Variants in RCC2 observed in about 807,000 individuals in gnomAD.
RCC2 encodes the protein regulator of chromosome condensation 2.
RCC2 carries 19 observed loss-of-function variants against 64.1 expected under a neutral mutation model. The observed-to-expected ratio is 0.30, with a 90% confidence interval of 0.21 to 0.44. The LOEUF (loss-of-function observed/expected upper bound fraction) is 0.44. RCC2 is among the 20% of genes least tolerant of loss of function. The pLI, the probability that RCC2 is intolerant of heterozygous loss-of-function variation, is 1.00. For missense variants in RCC2, 508 were observed against 710.4 expected, an observed-to-expected ratio of 0.72 and a Z score of 3.24; for synonymous variants, 325 against 279.6, an observed-to-expected ratio of 1.16 and a Z score of -1.62.
intron 7 of RCC2, 51 bp from the exon 8 acceptor site, chr1:17,416,697 G>GT (rs778125841): frequency 6.4e-7 from 1 of 1,561,816 alleles, no homozygotes; most frequent in Admixed American, 1.7e-5. Context: ...CACAAGGGAC[G>GT]TGTCAGTGTG....
chr1:17,418,758 A>G (rs959954831), intron 7 of RCC2, among the ~76,000 whole-genome samples: 7 of 152,208 alleles, frequency 4.6e-5, no homozygotes, highest in Non-Finnish European at 8.8e-5. Context: ...GCATTTCCGG[A>G]TATGTCGCTA....
intron 11 of RCC2, 46 bp downstream of exon 11, chr1:17,412,076 C>A (rs772752363): frequency 6.6e-7 from 1 of 1,519,834 alleles, no homozygotes; most frequent in East Asian, 2.4e-5. Context: ...CATGAGCCAC[C>A]CTGACTGGCT....
chr1:17,423,703 G>A (rs1002175858), intron 4 of RCC2, among the ~76,000 whole-genome samples: 15 of 152,210 alleles, frequency 9.9e-5, no homozygotes, highest in African/African-American at 3.4e-4. Flanking sequence ...GATCCCTCCC[G>A]ATAAGAGAAA....
chr1:17,434,057 C>CTGCT (rs2075711563), intron 2 of RCC2, among the ~76,000 whole-genome samples: 1 of 152,260 alleles, frequency 6.6e-6, no homozygotes, highest in African/African-American at 2.4e-5. Context: ...CTGGCCAAGG[C>CTGCT]TGCTGCCTTT....
intron 8 of RCC2, among the ~76,000 whole-genome samples, chr1:17,414,072 T>C (rs1010235346): frequency 5.3e-5 from 8 of 152,242 alleles, no homozygotes; most frequent in African/African-American, 1.9e-4. Context: ...CAAAATGGCA[T>C]GCATTCAATA....
chr1:17,428,544 C>A (rs1171543344), intron 3 of RCC2, among the ~76,000 whole-genome samples: 2 of 152,202 alleles, frequency 1.3e-5, no homozygotes, highest in Non-Finnish European at 2.9e-5. Flanking sequence ...GGCTACATGC[C>A]AGCCTTCCTT....
intron 6 of RCC2, among the ~76,000 whole-genome samples, chr1:17,421,061 CTG>C (rs2100369647): frequency 6.6e-6 from 1 of 152,296 alleles, no homozygotes; most frequent in African/African-American, 2.4e-5. Flanking sequence ...AGCCTAGCCA[CTG>C]TCTCTTTAAG....
At chr1:17,417,395 C>T (rs558169072) in intron 7 of RCC2, among the ~76,000 whole-genome samples, 1 of 152,324 alleles carries the variant, frequency 6.6e-6, no homozygotes, top group Admixed American at 6.5e-5. Flanking sequence ...TGGTTGGGCA[C>T]GGTGGGCCAC....
Position 17,408,978 on chromosome 1 carries a change from A to G in RCC2, c.*112T>C, listed in dbSNP as rs1315041833. On this transcript the variant is annotated 3_prime_UTR_variant, in exon 13 of 13. Coordinates refer to ENST00000375436, the MANE Select transcript of RCC2 (RefSeq NM_018715.4). ...CCTCAGGGAGTCTAAACAAAAATGCACCTTCGGTCAACTTTTGCTTTTTTA... is the reference window on the plus strand; with the variant it reads ...CCTCAGGGAGTCTAAACAAAAATGCGCCTTCGGTCAACTTTTGCTTTTTTA... 5 of 823,460 alleles carry G rather than the reference A, an allele frequency of 6.1e-6. No individual in the cohort carries two copies. The East Asian group carries it at 1.2e-4, about 20-fold the overall frequency. The allele number at this position is 823,460 out of a possible 1,614,324, so 51.0% of individuals were successfully genotyped here. A position where few individuals can be genotyped will look rare whatever the true frequency, so the allele number is the denominator to read the frequency against.
At chr1:17,428,483 G>A (rs1487813377) in intron 3 of RCC2, among the ~76,000 whole-genome samples, 2 of 152,222 alleles carry the variant, frequency 1.3e-5, no homozygotes, top group African/African-American at 2.4e-5. Flanking sequence ...AAGCAATGCT[G>A]GAAAGCACTT....
intron 8 of RCC2, among the ~76,000 whole-genome samples, chr1:17,414,809 T>C (rs1235233328): frequency 6.6e-6 from 1 of 152,088 alleles, no homozygotes; most frequent in African/African-American, 2.4e-5. Flanking sequence ...TTTTGTGGTT[T>C]TTTTGTAGAG....
Position 17,438,441 on chromosome 1 carries a change from G to C in RCC2, c.74C>G (p.Pro25Arg). The C allele has an allele frequency of 7.7e-7, 1 of 1,290,750 alleles. No individual in the cohort carries two copies. The highest frequency in any genetic ancestry group is 9.8e-7 in the Non-Finnish European group (1 of 1,022,844). 80.0% of individuals were successfully genotyped at this position (1,290,750 alleles called of 1,614,324 possible). ...SSGNGTARAG[P>R]RKRGGPAGRK... ...GCCCGCCGGGCCGCCGCGTTTCCTG[G>C]GCCCGGCGCGGGCAGTGCCGTTGCC... is the stretch of plus-strand genomic sequence containing the variant. Residue 25 changes from proline (P) to arginine (R), a missense_variant, in exon 2 of 13, where the codon CCC (proline) becomes CGC (arginine). Pro to Arg is a moderately radical substitution (Grantham distance 103). Transcript: ENST00000375436.
In RCC2 at chr1:17,416,608, G is replaced by A; in HGVS notation, c.898C>T (p.Arg300Trp). Residue 300 changes from arginine to tryptophan, a missense_variant, in exon 8 of 13, where the codon CGG becomes TGG. By Grantham distance (101) the Arg-to-Trp change is moderately radical. This residue lies in a region of RCC2 where 179 missense variants were observed against 322.0 expected (regional missense o/e 0.56). Coordinates refer to ENST00000375436, the MANE Select transcript of RCC2 (RefSeq NM_018715.4). ...ACTAGTTCACAGTCGTACTCTATCC[G>A]CTGTGCCCGGGCGATGAACTTCCCA... ...SDGKFIARAQ[R>W]IEYDCELVPR... 2 of 1,613,756 alleles carry A rather than the reference G, an allele frequency of 1.2e-6. No homozygotes were observed. Among genetic ancestry groups the A allele is most frequent in the Non-Finnish European group, 1.7e-6 (2 of 1,179,978 alleles).
chr1:17,416,447 G>T, intron 8 of RCC2, 33 bp downstream of exon 8: 1 of 1,584,414 alleles, frequency 6.3e-7, no homozygotes, highest in Non-Finnish European at 8.6e-7. Flanking sequence ...ATCCTGGTGC[G>T]ACTCTCAGGA....
At chr1:17,431,518 A>AG (rs1194879913) in intron 2 of RCC2, among the ~76,000 whole-genome samples, 2 of 144,724 alleles carry the variant, frequency 1.4e-5, no homozygotes, top group East Asian at 2.0e-4. Context: ...AAAAAAAAAA[A>AG]AAAGAAAGAA....
chr1:17,413,717 G>A lies in RCC2; in HGVS notation c.1027C>T (p.Leu343=), dbSNP rs559390308. ...RDVACGANHT[L]VLDSQKRVFS... is the part of the protein sequence containing the mutation. ...ACTCGCTTCTGGGAGTCCAGGACCA[G>A]CTGCAAGGAAAGAAAACACAGGGTT... is the stretch of plus-strand genomic sequence containing the variant. Residue 343 remains leucine (L), a splice_region_variant and synonymous_variant, in exon 9 of 13, where the codon CTG becomes TTG. Coordinates refer to ENST00000375436, the MANE Select transcript of RCC2 (RefSeq NM_018715.4). The A allele has an allele frequency of 3.7e-6, 6 of 1,605,966 alleles. No individual in the cohort carries two copies. The highest frequency in any genetic ancestry group is 2.2e-5 in the East Asian group (1 of 44,780).
At position 17,438,542 on chromosome 1, in the gene RCC2, A is replaced by C; in HGVS notation, c.-8-20T>G. On this transcript the variant is annotated intron_variant, in intron 1 of 12. Transcript: ENST00000375436. The stretch of plus-strand genomic sequence containing the variant: ...TCGCGGCTGGAGGGAGACACGGGGC[A>C]GCGGCGCACAATGGACGGGTTATAA... 2 of 1,307,726 alleles carry C rather than the reference A, an allele frequency of 1.5e-6. No homozygotes were observed. The highest frequency in any genetic ancestry group is 1.9e-6 in the Non-Finnish European group (2 of 1,029,356). 81.0% of individuals were successfully genotyped at this position (1,307,726 alleles called of 1,614,324 possible).
intron 1 of RCC2, 96 bp from the exon 2 acceptor site, chr1:17,438,618 C>G: frequency 8.5e-7 from 1 of 1,174,542 alleles, no homozygotes; most frequent in Non-Finnish European, 1.1e-6. Flanking sequence ...TCCACTTCCT[C>G]CTCTGCCCTC....
At chr1:17,437,772 C>A (rs1171134583) in intron 2 of RCC2, among the ~76,000 whole-genome samples, 1 of 19,578 alleles carries the variant, frequency 5.1e-5, no homozygotes, top group Admixed American at 5.2e-4. Flanking sequence ...CCCCGCAGAG[C>A]GCCGGCCGCC....
Sources: allele counts gnomAD v4.1 joint callset (sites outside exome capture counted in the v4.1 genomes callset), GRCh38; gene constraint gnomAD v4.1.1; regional missense constraint gnomAD v4.1.1; transcripts MANE v1.5; gene names NCBI Gene and HGNC (gene_info 2026-07-23, HGNC 2026-07-21).